ATXN1: variants seen among roughly 807,000 people sequenced by gnomAD.
The protein encoded by ATXN1 is ataxin 1.
A neutral mutation model predicts 56.4 loss-of-function variants in ATXN1; 8 were observed. The ratio of observed to expected loss-of-function variants is 0.14; its 90% CI spans 0.08 to 0.26. The LOEUF (loss-of-function observed/expected upper bound fraction) is 0.26, where lower values mean the gene tolerates loss of function less well. Among genes scored for constraint, ATXN1 ranks in the 10% least tolerant of loss-of-function variants. The pLI, the probability that ATXN1 is intolerant of heterozygous loss-of-function variation, is 1.00. For synonymous variants in ATXN1, 514 were observed against 494.6 expected, an observed-to-expected ratio of 1.04 and a Z score of -0.52; for missense variants, 987 against 1,106.5, an observed-to-expected ratio of 0.89 and a Z score of 1.53.
intron 2 of ATXN1, among the ~76,000 whole-genome samples, chr6:16,676,433 T>C (rs753093520): frequency 3.3e-5 from 5 of 152,222 alleles, no homozygotes; most frequent in Non-Finnish European, 5.9e-5. Flanking sequence ...CAACTCTTTC[T>C]GGTATTAGCA....
chr6:16,480,240 A>G (rs1760409314), intron 6 of ATXN1, among the ~76,000 whole-genome samples: 2 of 151,710 alleles, frequency 1.3e-5, no homozygotes, highest in South Asian at 4.2e-4. Flanking sequence ...TCCTCATGCT[A>G]TGTTTTTGTC....
intron 2 of ATXN1, among the ~76,000 whole-genome samples, chr6:16,721,622 GC>G (rs1329610877): frequency 6.6e-6 from 1 of 152,094 alleles, no homozygotes; most frequent in Non-Finnish European, 1.5e-5. Context: ...GGGAGACCCT[GC>G]CTCTTAAAAA....
chr6:16,337,641 A>C (rs1761153643), intron 6 of ATXN1, among the ~76,000 whole-genome samples: 1 of 152,266 alleles, frequency 6.6e-6, no homozygotes, highest in Admixed American at 6.5e-5. Flanking sequence ...TCAATACAGA[A>C]GCAAATACTT....
intron 7 of ATXN1, among the ~76,000 whole-genome samples, chr6:16,309,905 G>C (rs1483863560): frequency 6.6e-6 from 1 of 151,838 alleles, no homozygotes; most frequent in Non-Finnish European, 1.5e-5. Context: ...ATGGTGGCAG[G>C]AACCTGTAAT....
chr6:16,679,240 A>ATGGG (rs1456407279), intron 2 of ATXN1, among the ~76,000 whole-genome samples: 1 of 149,820 alleles, frequency 6.7e-6, no homozygotes, highest in Non-Finnish European at 1.5e-5. Flanking sequence ...AGATGGATGG[A>ATGGG]TGGGTGGGTG....
intron 2 of ATXN1, chr6:16,750,025 T>G (rs988788656): frequency 2.6e-5 from 4 of 152,400 alleles, no homozygotes; most frequent in Non-Finnish European, 5.9e-5. Flanking sequence ...TTCCTCATGC[T>G]CCATCCATCT....
chr6:16,356,448 A>G (rs961187756), intron 6 of ATXN1, among the ~76,000 whole-genome samples: 1 of 152,234 alleles, frequency 6.6e-6, no homozygotes, highest in African/African-American at 2.4e-5. Context: ...TGTTATGGGA[A>G]TAGTAATGAA....
intron 3 of ATXN1, among the ~76,000 whole-genome samples, chr6:16,588,063 G>GC (rs11371272): frequency 0.72 from 108,907 of 151,874 alleles, 39,439 homozygotes; most frequent in Admixed American, 0.8. Flanking sequence ...AATAGATTCT[G>GC]CCTCACCTAC....
At chr6:16,602,948 T>TA (rs777491499) in intron 3 of ATXN1, among the ~76,000 whole-genome samples, 2 of 152,168 alleles carry the variant, frequency 1.3e-5, no homozygotes, top group Non-Finnish European at 2.9e-5. Flanking sequence ...ATTATCATAA[T>TA]ATAATGTAAT....
At chr6:16,484,607 C>A (rs1378450779) in intron 6 of ATXN1, among the ~76,000 whole-genome samples, 1 of 152,088 alleles carries the variant, frequency 6.6e-6, no homozygotes, top group Non-Finnish European at 1.5e-5. Flanking sequence ...CTAGACCCAA[C>A]GTGTACAGAA....
At chr6:16,424,394 G>A (rs746608555) in intron 6 of ATXN1, among the ~76,000 whole-genome samples, 5 of 152,158 alleles carry the variant, frequency 3.3e-5, no homozygotes, top group Non-Finnish European at 7.4e-5. Context: ...TTTCCTATGG[G>A]GAAGTCTGTT....
At chr6:16,477,431 G>C (rs1395177203) in intron 6 of ATXN1, among the ~76,000 whole-genome samples, 4 of 152,226 alleles carry the variant, frequency 2.6e-5, no homozygotes, top group African/African-American at 4.8e-5. Context: ...GGCATAATGA[G>C]AGGAGAGCAA....
Position 16,300,876 on chromosome 6 carries a change from T to A in ATXN1, c.*5453A>T, listed in dbSNP as rs1227518413. ...GGAGCTCAGAGAAGTACTTTCAGCA[T>A]AGGAATGAACAGTATTCTCAAATCG... is the stretch of plus-strand genomic sequence containing the variant. On this transcript the variant is annotated 3_prime_UTR_variant, in exon 8 of 8. Coordinates refer to ENST00000436367, the MANE Select transcript of ATXN1 (RefSeq NM_001128164.2). The A allele has an allele frequency of 1.3e-5, 2 of 152,654 alleles. No homozygotes were observed. Among genetic ancestry groups the A allele is most frequent in the Non-Finnish European group, 2.9e-5 (2 of 68,034 alleles). The allele number at this position is 152,654 out of a possible 1,614,324, so 9.5% of individuals were successfully genotyped here. A position where few individuals can be genotyped will look rare whatever the true frequency, so the allele number is the denominator to read the frequency against.
intron 6 of ATXN1, among the ~76,000 whole-genome samples, chr6:16,483,401 T>G (rs972847997): frequency 2.6e-5 from 4 of 152,174 alleles, no homozygotes; most frequent in Non-Finnish European, 4.4e-5. Context: ...ACTGCAACAG[T>G]TCTCCATGGC....
At chr6:16,440,685 A>AG (rs991229903) in intron 6 of ATXN1, among the ~76,000 whole-genome samples, 2 of 151,622 alleles carry the variant, frequency 1.3e-5, no homozygotes, top group Non-Finnish European at 1.5e-5. Flanking sequence ...GCGGGAATTC[A>AG]GGGAAGATGA....
chr6:16,544,889 A>C (rs575340037), intron 4 of ATXN1, among the ~76,000 whole-genome samples: 8 of 152,128 alleles, frequency 5.3e-5, no homozygotes, highest in African/African-American at 1.9e-4. Flanking sequence ...GTGTGGAAGG[A>C]GGCGAGAAGA....
At chr6:16,309,889 C>G (rs1760349185) in intron 7 of ATXN1, among the ~76,000 whole-genome samples, 1 of 151,950 alleles carries the variant, frequency 6.6e-6, no homozygotes, top group Non-Finnish European at 1.5e-5. Context: ...CAAAAATTAG[C>G]TGGGCATGGT....
At chr6:16,720,349 T>C (rs1281447003) in intron 2 of ATXN1, among the ~76,000 whole-genome samples, 1 of 152,248 alleles carries the variant, frequency 6.6e-6, no homozygotes. Context: ...AATTTACTTG[T>C]GGTTGTCTCC....
intron 3 of ATXN1, among the ~76,000 whole-genome samples, chr6:16,593,233 A>T (rs1254587933): frequency 6.6e-6 from 1 of 152,224 alleles, no homozygotes; most frequent in Non-Finnish European, 1.5e-5. Flanking sequence ...CTCAGTAGTT[A>T]CTGTCAGCCT....
Sources: gnomAD v4.1 joint callset for allele counts (sites outside exome capture counted in the v4.1 genomes callset) on GRCh38, gnomAD v4.1.1 for gene constraint, MANE v1.5 for transcripts, NCBI Gene and HGNC (gene_info 2026-07-23, HGNC 2026-07-21) for gene names.